Variants in ROR2 observed in about 807,000 individuals in gnomAD.
ROR2 encodes tyrosine-protein kinase transmembrane receptor ROR2.
A neutral mutation model predicts 74.9 loss-of-function variants in ROR2; 33 were observed. That is an observed-to-expected ratio of 0.44 (90% confidence interval 0.33 to 0.59). The LOEUF is 0.59. Among genes scored for constraint, ROR2 ranks in the 20% least tolerant of loss-of-function variants. ROR2 has a pLI of 0.02. For synonymous variants in ROR2, 586 were observed against 558.7 expected (o/e 1.05, Z -0.69); for missense variants, 1,216 against 1,313.8 (o/e 0.93, Z 1.15).
intron 1 of ROR2, among the ~76,000 whole-genome samples, chr9:91,947,448 C>T (rs1338395521): frequency 1.3e-5 from 2 of 152,158 alleles, no homozygotes; most frequent in Non-Finnish European, 2.9e-5. Flanking sequence ...AAATATGTTG[C>T]CTTACTATAT....
intron 1 of ROR2, among the ~76,000 whole-genome samples, chr9:91,947,526 T>C (rs996355306): frequency 4.6e-5 from 7 of 152,368 alleles, no homozygotes; most frequent in African/African-American, 1.4e-4. Flanking sequence ...TTCTTCTAGA[T>C]GGATTTCTTC....
Position 91,722,648 on chromosome 9 carries a change from A to G in ROR2, c.*1014T>C. 1 of 779,668 alleles carries G rather than the reference A, an allele frequency of 1.3e-6. No individual in the cohort carries two copies. Among genetic ancestry groups the G allele is most frequent in the Non-Finnish European group, 2.4e-6 (1 of 417,888 alleles). The allele number at this position is 779,668 out of a possible 1,614,324, so 48.3% of individuals were successfully genotyped here. ...TACACCGGGTGTGGGATTTACAAAT[A>G]GGACCAACAATGTGTGCGGGGCACA... On this transcript the variant is annotated 3_prime_UTR_variant, in exon 9 of 9. Transcript: ENST00000375708.
At chr9:91,739,471 G>A (rs1825144191) in intron 4 of ROR2, among the ~76,000 whole-genome samples, 1 of 150,222 alleles carries the variant, frequency 6.7e-6, no homozygotes, top group African/African-American at 2.5e-5. Context: ...AAACTACTGG[G>A]CTCCAGCCTG....
At chr9:91,738,920 G>A (rs376730513) in intron 4 of ROR2, among the ~76,000 whole-genome samples, 2 of 152,198 alleles carry the variant, frequency 1.3e-5, no homozygotes, top group East Asian at 1.9e-4. Context: ...GAAACTGTTG[G>A]TCTGGCTTCA....
chr9:91,835,059 T>A (rs1396890204), intron 1 of ROR2, among the ~76,000 whole-genome samples: 1 of 152,026 alleles, frequency 6.6e-6, no homozygotes, highest in Non-Finnish European at 1.5e-5. Flanking sequence ...TTACAACACA[T>A]GGTGATGGAG....
At chr9:91,852,218 T>A (rs1382491343) in intron 1 of ROR2, among the ~76,000 whole-genome samples, 1 of 152,238 alleles carries the variant, frequency 6.6e-6, no homozygotes, top group East Asian at 1.9e-4. Context: ...CATCTCTGTA[T>A]TGGTGCTAAC....
At chr9:91,813,888 A>C (rs979573043) in intron 1 of ROR2, among the ~76,000 whole-genome samples, 4 of 152,174 alleles carry the variant, frequency 2.6e-5, no homozygotes, top group Non-Finnish European at 4.4e-5. Flanking sequence ...AGCAAAACTC[A>C]CTCAGAAAAC....
chr9:91,839,892 GAC>G (rs975152786), intron 1 of ROR2, among the ~76,000 whole-genome samples: 4 of 151,980 alleles, frequency 2.6e-5, no homozygotes, highest in African/African-American at 9.7e-5. Flanking sequence ...TTTACTTGGG[GAC>G]ACCCCACCAA....
At chr9:91,814,973 G>A (rs1001045098) in intron 1 of ROR2, among the ~76,000 whole-genome samples, 1 of 152,204 alleles carries the variant, frequency 6.6e-6, no homozygotes, top group Non-Finnish European at 1.5e-5. Context: ...CGGTGACAAT[G>A]CCTCGAAGCA....
At chr9:91,932,662 A>C (rs1397527223) in intron 1 of ROR2, among the ~76,000 whole-genome samples, 1 of 130,578 alleles carries the variant, frequency 7.7e-6, no homozygotes. Flanking sequence ...AGACTGTCTC[A>C]AAAAAAAAAA....
rs568850962 is a variant in ROR2, at chr9:91,897,337, G to A, written c.97+52530C>T. Among the ~76,000 whole-genome samples the A allele has an allele frequency of 2.0e-5, 3 of 152,350 alleles. No homozygotes were observed. In the East Asian group the frequency reaches 5.8e-4, roughly 29 times the overall value. ...CCCAAAGGGGAAGCAGGGAAGACAT[G>A]CCTATCCCACTTGTACAGAGGAAAG... On this transcript the variant is annotated intron_variant, in intron 1 of 8. Transcript: ENST00000375708.
At chr9:91,850,157 A>G (rs1050276781) in intron 1 of ROR2, among the ~76,000 whole-genome samples, 6 of 152,180 alleles carry the variant, frequency 3.9e-5, no homozygotes, top group Admixed American at 2.0e-4. Flanking sequence ...TGTCCTCCAA[A>G]GTGGATGTGG....
At chr9:91,844,010 G>A (rs1011535795) in intron 1 of ROR2, among the ~76,000 whole-genome samples, 5 of 152,292 alleles carry the variant, frequency 3.3e-5, no homozygotes, top group South Asian at 2.1e-4. Context: ...ACTAACGGCC[G>A]TCCCCACACT....
At position 91,723,846 on chromosome 9, in the gene ROR2, A is replaced by G. The variant is rs779837210; in HGVS notation, c.2648T>C (p.Met883Thr). 5.0e-6 allele frequency: 8 copies of G among 1,613,948 alleles called. No homozygotes were observed. The South Asian group carries it at 8.8e-5, about 18-fold the overall frequency. The change falls in exon 9 of 9, where the codon ATG (methionine) becomes ACG (threonine). Residue 883 changes from methionine to threonine, a missense_variant. Coordinates refer to ENST00000375708, the MANE Select transcript of ROR2 (RefSeq NM_004560.4). Reference protein sequence around the residue: ...YVTTAPSNTSMADRAALLSEG... With the variant: ...YVTTAPSNTSTADRAALLSEG... ...TGAGAGCAGGGCTGCCCTGTCTGCC[A>G]TGGATGTGTTGGAGGGGGCCGTGGT...
At chr9:91,916,352 T>C (rs1831134727) in intron 1 of ROR2, among the ~76,000 whole-genome samples, 1 of 152,132 alleles carries the variant, frequency 6.6e-6, no homozygotes, top group South Asian at 2.1e-4. Flanking sequence ...TGACTTTATA[T>C]TGGTTAATTC....
intron 1 of ROR2, among the ~76,000 whole-genome samples, chr9:91,836,121 C>T (rs1191930740): frequency 6.6e-6 from 1 of 152,216 alleles, no homozygotes; most frequent in East Asian, 1.9e-4. Context: ...CACCATGCTT[C>T]TCTGTGGCCT....
At chr9:91,750,817 G>T (rs1397635534) in intron 4 of ROR2, among the ~76,000 whole-genome samples, 1 of 146,762 alleles carries the variant, frequency 6.8e-6, no homozygotes, top group African/African-American at 2.4e-5. Flanking sequence ...TATGGAATCT[G>T]AAAATAATGA....
At chr9:91,734,911 G>A (rs1452592760) in intron 5 of ROR2, among the ~76,000 whole-genome samples, 2 of 152,142 alleles carry the variant, frequency 1.3e-5, no homozygotes, top group African/African-American at 4.8e-5. Context: ...GAACAGAGAG[G>A]GCAAGCAGTT....
intron 1 of ROR2, among the ~76,000 whole-genome samples, chr9:91,790,977 T>C (rs1826953724): frequency 6.6e-6 from 1 of 152,240 alleles, no homozygotes; most frequent in Non-Finnish European, 1.5e-5. Context: ...AAAAAATTTA[T>C]ATAGTAAAAA....
Sources: gnomAD v4.1 joint callset for allele counts (sites outside exome capture counted in the v4.1 genomes callset) on GRCh38, gnomAD v4.1.1 for gene constraint, MANE v1.5 for transcripts, NCBI Gene and HGNC (gene_info 2026-07-23, HGNC 2026-07-21) for gene names.